AGO4: variants seen among roughly 807,000 people sequenced by gnomAD.
AGO4 encodes argonaute RISC component 4.
AGO4 carries 33 observed loss-of-function variants against 104.7 expected under a neutral mutation model. The observed-to-expected ratio is 0.32, with a 90% CI of 0.24 to 0.42. AGO4 has a LOEUF of 0.42. Ranked by LOEUF, AGO4 falls within the 10% of genes least tolerant of loss-of-function variation. The pLI is 1.00. For synonymous variants in AGO4, 331 were observed against 364.7 expected, an observed-to-expected ratio of 0.91 and a Z score of 1.05; for missense variants, 711 against 1,083.4, an observed-to-expected ratio of 0.66 and a Z score of 4.83.
intron 12 of AGO4, 116 bp downstream of exon 12, chr1:35,834,290 C>A: frequency 1.0e-6 from 1 of 953,712 alleles, no homozygotes; most frequent in Non-Finnish European, 1.4e-6. Flanking sequence ...TTCACAACAA[C>A]AAAGATTTGT....
At position 35,832,461 on chromosome 1, in the gene AGO4, C is replaced by T; in HGVS notation, c.1270C>T (p.Gln424Ter). 1 of 1,611,088 alleles carries T rather than the reference C, an allele frequency of 6.2e-7. No homozygotes were observed. Among genetic ancestry groups the T allele is most frequent in the Non-Finnish European group, 8.5e-7 (1 of 1,179,184 alleles). The change falls in exon 11 of 18, where the codon CAG (glutamine) becomes TAG (stop). Residue 424 changes from glutamine to a stop codon, truncating the protein, a stop_gained. Transcript: ENST00000373210. LOFTEE classifies it high-confidence loss of function. Reference protein sequence around the residue: ...GRNKTVATPNQGVWDMRGKQF... With the variant: ...GRNKTVATPN ...GAATAAAACAGTAGCCACACCCAAC[C>T]AGGGTGTCTGGGACATGCGAGGAAA...
At chr1:35,845,244 T>G (rs1644543970) in intron 15 of AGO4, among the ~76,000 whole-genome samples, 1 of 150,678 alleles carries the variant, frequency 6.6e-6, no homozygotes, top group Non-Finnish European at 1.5e-5. Context: ...GGCTTTTTTT[T>G]TTTAAGATAG....
intron 15 of AGO4, among the ~76,000 whole-genome samples, chr1:35,845,723 C>G (rs995795601): frequency 7.9e-5 from 12 of 152,290 alleles, no homozygotes; most frequent in African/African-American, 2.4e-4. Flanking sequence ...CAGTTATCTA[C>G]CAGACATATT....
chr1:35,832,111 A>T lies in AGO4; in HGVS notation c.1171A>T (p.Ile391Phe). ...TGATCCATACCTTAAAGAATTTGGT[A>T]TTGTTGTCCACAATGAAATGACAGA... ...GPDPYLKEFG[I>F]VVHNEMTELT... Residue 391 changes from isoleucine (I) to phenylalanine (F), a missense_variant, in exon 10 of 18, where the codon ATT becomes TTT. Coordinates refer to ENST00000373210, the MANE Select transcript of AGO4 (RefSeq NM_017629.4). 6.8e-6 allele frequency: 11 copies of T among 1,614,220 alleles called. No homozygotes were observed. In the African/African-American group the frequency reaches 9.3e-5, roughly 14 times the overall value.
intron 15 of AGO4, among the ~76,000 whole-genome samples, chr1:35,844,111 G>A (rs1009611672): frequency 3.3e-5 from 5 of 152,100 alleles, no homozygotes. Flanking sequence ...CATGATTATG[G>A]CTCATGGCAG....
chr1:35,818,698 G>GAAGGAAGC (rs1643809193), intron 2 of AGO4, among the ~76,000 whole-genome samples: 1 of 151,206 alleles, frequency 6.6e-6, no homozygotes, highest in East Asian at 1.9e-4. Context: ...AGGAAGGAAG[G>GAAGGAAGC]AAGGAAAGAA....
In AGO4 at chr1:35,822,873, A is replaced by G. The variant is rs1374190964; in HGVS notation, c.197A>G (p.Asp66Gly). Residue 66 changes from aspartate to glycine, a missense_variant, in exon 3 of 18, where the codon GAT becomes GGT. By Grantham distance (94) the Asp-to-Gly change is moderately conservative. Around this residue, in one of 3 missense-constraint regions of AGO4, gnomAD observed 308 missense variants for 397.8 expected, o/e 0.77. Transcript: ENST00000373210. The stretch of plus-strand genomic sequence containing the variant: ...CCATTACTGTGAAGGGAGGTAGTAG[A>G]TACAATGGTGCGGCACTTCAAGATG... Reference protein sequence around the residue: ...RPRRVNREVVDTMVRHFKMQI... With the variant: ...RPRRVNREVVGTMVRHFKMQI... 15 of 1,613,960 alleles carry G rather than the reference A, an allele frequency of 9.3e-6. No homozygotes were observed. Among genetic ancestry groups the G allele is most frequent in the Non-Finnish European group, 1.3e-5 (15 of 1,179,978 alleles).
Position 35,841,100 on chromosome 1 carries a change from T to C in AGO4, c.1725-65T>C. On this transcript the variant is annotated intron_variant, in intron 13 of 17. Transcript: ENST00000373210. This position sits in a 1 kb window ranked among gnomAD's most constrained non-coding sequence, Gnocchi z 4.7. The stretch of plus-strand genomic sequence containing the variant: ...TATCTGATTATATCTGGTGATATAA[T>C]CTTGCTAAACTCAAACATTTTCACT... 4 of 1,520,478 alleles carry C rather than the reference T, an allele frequency of 2.6e-6. No homozygotes were observed. The highest frequency in any genetic ancestry group is 3.6e-6 in the Non-Finnish European group (4 of 1,110,696). The allele number at this position is 1,520,478 out of a possible 1,614,324, so 94.2% of individuals were successfully genotyped here.
At chr1:35,810,925 A>T (rs1334621856) in intron 1 of AGO4, among the ~76,000 whole-genome samples, 1 of 151,960 alleles carries the variant, frequency 6.6e-6, no homozygotes, top group East Asian at 1.9e-4. Flanking sequence ...TGCGGCCAGG[A>T]GTTCGAGACC....
chr1:35,832,297 T>G (rs1415184426), intron 10 of AGO4, 112 bp downstream of exon 10: 8 of 1,533,246 alleles, frequency 5.2e-6, no homozygotes. Flanking sequence ...TTGTTCATTA[T>G]TGCCTTTTGT....
At chr1:35,818,658 A>AAAGAAAGAAAGGAAGGAAGG (rs1553144552) in intron 2 of AGO4, among the ~76,000 whole-genome samples, 4 of 61,576 alleles carry the variant, frequency 6.5e-5, no homozygotes, top group Middle Eastern at 7.9e-3. Context: ...AGAAAGAAAG[A>AAAGAAAGAAAGGAAGGAAGG]AAGGAAGAAA....
At chr1:35,816,147 C>T (rs1028328309) in intron 1 of AGO4, among the ~76,000 whole-genome samples, 98 of 152,276 alleles carry the variant, frequency 6.4e-4, no homozygotes, top group African/African-American at 2.2e-3. Context: ...CCTATATGTA[C>T]AATTTATAAT....
At position 35,854,881 on chromosome 1, in the gene AGO4, A is replaced by G. The variant is rs938357174; in HGVS notation, c.*1276A>G. 1.3e-5 allele frequency: 2 copies of G among 152,660 alleles called. No homozygotes were observed. Among genetic ancestry groups the G allele is most frequent in the African/African-American group, 4.8e-5 (2 of 41,464 alleles). 9.5% of individuals were successfully genotyped at this position (152,660 alleles called of 1,614,324 possible). A position where few individuals can be genotyped will look rare whatever the true frequency, so the allele number is the denominator to read the frequency against. ...TTGCTTCTCTTTCGACATGAAATGT[A>G]CTTGGTGGGTTTTCCTTCCTTTTAT... On this transcript the variant is annotated 3_prime_UTR_variant, in exon 18 of 18. Coordinates refer to ENST00000373210, the MANE Select transcript of AGO4 (RefSeq NM_017629.4).
chr1:35,852,845 G>C (rs1423130864), intron 17 of AGO4, among the ~76,000 whole-genome samples: 1 of 152,184 alleles, frequency 6.6e-6, no homozygotes, highest in African/African-American at 2.4e-5. Context: ...TTTGACTGAA[G>C]CCTAAAGAAA....
At chr1:35,830,973 C>CAAAAA (rs543347096) in intron 7 of AGO4, among the ~76,000 whole-genome samples, 1 of 57,082 alleles carries the variant, frequency 1.8e-5, no homozygotes, top group Non-Finnish European at 3.8e-5. Context: ...CTCTGTCTCA[C>CAAAAA]AAAAAAAAAA....
intron 1 of AGO4, among the ~76,000 whole-genome samples, chr1:35,811,023 C>CAT (rs1643483684): frequency 6.6e-6 from 1 of 151,264 alleles, no homozygotes; most frequent in Non-Finnish European, 1.5e-5. Flanking sequence ...GGTGTGGTGG[C>CAT]ATACCTGTAG....
Position 35,822,971 on chromosome 1 carries a change from G to A in AGO4, c.295G>A (p.Gly99Arg), listed in dbSNP as rs778194970. 3 of 1,613,896 alleles carry A rather than the reference G, an allele frequency of 1.9e-6. No homozygotes were observed. The highest frequency in any genetic ancestry group is 3.3e-5 in the Admixed American group (2 of 59,994). ...GTACACAGCACATCCACTACCAATT[G>A]GACGGGATAGGGTAAGTGTTAAGAG... ...NMYTAHPLPI[G>R]RDRVDMEVTL... The change falls in exon 3 of 18, where the codon GGA (glycine) becomes AGA (arginine). Residue 99 changes from glycine (G) to arginine (R), a missense_variant. Gly to Arg is a moderately radical substitution (Grantham distance 125, BLOSUM62 -2). Coordinates refer to ENST00000373210, the MANE Select transcript of AGO4 (RefSeq NM_017629.4).
intron 2 of AGO4, 105 bp downstream of exon 2, chr1:35,817,152 C>A: frequency 8.2e-7 from 1 of 1,217,020 alleles, no homozygotes; most frequent in Non-Finnish European, 1.1e-6. Context: ...TTGTTATTCT[C>A]TAAGATGATA....
At chr1:35,811,460 CA>C (rs550629381) in intron 1 of AGO4, among the ~76,000 whole-genome samples, 10 of 120,942 alleles carry the variant, frequency 8.3e-5, no homozygotes, top group Admixed American at 1.6e-4. Context: ...AGACTCCATC[CA>C]AAAAAAAACA....
Sources: gnomAD v4.1 joint callset for allele counts (sites outside exome capture counted in the v4.1 genomes callset) on GRCh38, gnomAD v4.1.1 for gene constraint, gnomAD v4.1.1 regional missense constraint, Gnocchi (gnomAD v3.1) non-coding constraint, MANE v1.5 for transcripts, NCBI Gene and HGNC (gene_info 2026-07-23, HGNC 2026-07-21) for gene names.